Variants in NUP210L observed in about 807,000 individuals in gnomAD.
The protein encoded by NUP210L is nuclear pore membrane glycoprotein 210-like.
Under a neutral mutation model 208.5 loss-of-function variants are expected in NUP210L, and 74 were observed. The ratio of observed to expected loss-of-function variants is 0.35; its 90% confidence interval spans 0.29 to 0.43. NUP210L has a LOEUF of 0.43. Ranked by LOEUF, NUP210L falls within the 20% of genes least tolerant of loss-of-function variation. The pLI is 1.00. For missense variants in NUP210L, 1,843 were observed against 2,289.4 expected (o/e 0.81, Z 3.98); for synonymous variants, 780 against 816.9 (o/e 0.95, Z 0.77).
At chr1:154,055,012 G>A (rs542339968) in intron 23 of NUP210L, among the ~76,000 whole-genome samples, 180 bp from the exon 24 acceptor site, 3 of 151,732 alleles carry the variant, frequency 2.0e-5, no homozygotes, top group South Asian at 2.1e-4. Context: ...GCAATCCTCC[G>A]GCTTTGGCCT....
chr1:154,100,247 T>A, intron 13 of NUP210L, 104 bp from the exon 14 acceptor site: 2 of 994,002 alleles, frequency 2.0e-6, no homozygotes, highest in Non-Finnish European at 3.1e-6. Flanking sequence ...CTCCGAAGTT[T>A]AAGACCCGCC....
chr1:153,996,150 GGTGTGGTGGCATGCACCTGTA>G (rs1257005019), intron 37 of NUP210L, among the ~76,000 whole-genome samples: 1 of 151,976 alleles, frequency 6.6e-6, no homozygotes, highest in Non-Finnish European at 1.5e-5. Flanking sequence ...AAATTAGCTG[GGTGTGGTGGCATGCACCTGTA>G]GTCCCAGCTA....
chr1:154,034,840 TCTC>T (rs1487118432), intron 27 of NUP210L, among the ~76,000 whole-genome samples: 1 of 144,438 alleles, frequency 6.9e-6, no homozygotes, highest in Non-Finnish European at 1.5e-5. Flanking sequence ...TCTCTCTCTC[TCTC>T]TTTTTTTTTT....
At chr1:154,055,129 TTCTTTCTTTC>T (rs1362008012) in intron 23 of NUP210L, among the ~76,000 whole-genome samples, 15 of 56,936 alleles carry the variant, frequency 2.6e-4, no homozygotes, top group Admixed American at 2.4e-3. Flanking sequence ...TTTCTTTTCT[TTCTTTCTTTC>T]TTTCTTTCTT....
At chr1:154,082,598 T>A (rs941808170) in intron 16 of NUP210L, among the ~76,000 whole-genome samples, 20 of 152,188 alleles carry the variant, frequency 1.3e-4, no homozygotes, top group African/African-American at 4.6e-4. Flanking sequence ...CTTTACAATA[T>A]CCTTTATAAT....
At chr1:154,090,649 A>G (rs545569489) in intron 15 of NUP210L, among the ~76,000 whole-genome samples, 1 of 152,074 alleles carries the variant, frequency 6.6e-6, no homozygotes, top group African/African-American at 2.4e-5. Flanking sequence ...CGTCTCTACT[A>G]AAAACACAAA....
chr1:154,097,218 G>A (rs1656222250), intron 14 of NUP210L, among the ~76,000 whole-genome samples: 1 of 152,080 alleles, frequency 6.6e-6, no homozygotes, highest in African/African-American at 2.4e-5. Flanking sequence ...ACCGAATTGA[G>A]CTGATAATAT....
chr1:154,043,299 C>T (rs1349494402), intron 27 of NUP210L, among the ~76,000 whole-genome samples: 2 of 151,490 alleles, frequency 1.3e-5, no homozygotes, highest in African/African-American at 4.9e-5. Context: ...GGATTACAGG[C>T]GTGAGCCACT....
chr1:154,094,285 A>C (rs1216069253), intron 15 of NUP210L, among the ~76,000 whole-genome samples: 4 of 151,532 alleles, frequency 2.6e-5, no homozygotes, highest in African/African-American at 4.9e-5. Context: ...TCCATCTCAA[A>C]AACAACAACA....
chr1:154,141,012 A>AG (rs1658831818), intron 4 of NUP210L, among the ~76,000 whole-genome samples: 1 of 151,874 alleles, frequency 6.6e-6, no homozygotes, highest in Non-Finnish European at 1.5e-5. Context: ...AAAAAAAAAA[A>AG]AAAGAAAGGG....
At position 154,026,068 on chromosome 1, in the gene NUP210L, C is replaced by CA. The variant is rs879541188; in HGVS notation, c.3948-353dup. Reference sequence around the variant, plus strand: ...TGAAACCCCGTCTTTACTAAAAATACAAAAAAAAAAAAAATTTTTAGCTGG... The same window carrying CA: ...TGAAACCCCGTCTTTACTAAAAATACAAAAAAAAAAAAAAATTTTTAGCTGG... On this transcript the variant is annotated intron_variant, in intron 29 of 39. Coordinates refer to ENST00000368559, the Ensembl canonical transcript of NUP210L. Among the ~76,000 whole-genome samples the CA allele has an allele frequency of 9.6e-3, 1,302 of 135,526 alleles. 88 individuals are homozygous for CA. In the East Asian group the frequency reaches 0.17, roughly 18 times the overall value. 88.9% of individuals were successfully genotyped at this position (135,526 alleles called of 152,430 possible). A position where few individuals can be genotyped will look rare whatever the true frequency, so the allele number is the denominator to read the frequency against.
At chr1:154,031,482 C>G (rs1303544872) in intron 27 of NUP210L, among the ~76,000 whole-genome samples, 1 of 152,174 alleles carries the variant, frequency 6.6e-6, no homozygotes, top group East Asian at 1.9e-4. Context: ...ATCATTTAAT[C>G]TAACTATATT....
chr1:154,154,999 A>T (rs932071898), exon 1 of NUP210L: 2 of 1,613,712 alleles, frequency 1.2e-6, no homozygotes, highest in Middle Eastern at 1.6e-4. Context: ...AAGAAGAAAA[A>T]GAGCCCGAAG....
chr1:154,116,575 A>G (rs963996797), intron 12 of NUP210L, among the ~76,000 whole-genome samples: 5 of 152,078 alleles, frequency 3.3e-5, no homozygotes, highest in Non-Finnish European at 7.4e-5. Flanking sequence ...CAAAAATAAT[A>G]AATTAACTGT....
chr1:154,010,098 A>G, exon 35 of NUP210L: 1 of 1,613,968 alleles, frequency 6.2e-7, no homozygotes, highest in Non-Finnish European at 8.5e-7. Flanking sequence ...GTAATGGCCA[A>G]GGCCTGGTTT....
intron 23 of NUP210L, among the ~76,000 whole-genome samples, chr1:154,055,139 C>CT (rs1371852244): frequency 5.0e-4 from 46 of 91,100 alleles, no homozygotes; most frequent in African/African-American, 2.2e-3. Flanking sequence ...TTCTTTCTTT[C>CT]TTTCTTTCTT....
At position 154,079,330 on chromosome 1, in the gene NUP210L, C is replaced by T. The variant is rs184877252; in HGVS notation, c.2362-8865G>A. ...TTTTGAGAGGGGTCTTGCTATATTGCCCAGGCTAGGAGCAAACTCCTGGGC... is the reference window on the plus strand; with the variant it reads ...TTTTGAGAGGGGTCTTGCTATATTGTCCAGGCTAGGAGCAAACTCCTGGGC... On this transcript the variant is annotated intron_variant, in intron 16 of 39. Coordinates refer to ENST00000368559, the Ensembl canonical transcript of NUP210L. 3.3e-5 allele frequency: 5 copies of T among 151,716 alleles called. No homozygotes were observed. The East Asian group carries it at 9.7e-4, about 29-fold the overall frequency. The allele number at this position is 151,716 out of a possible 1,614,324, so 9.4% of individuals were successfully genotyped here.
chr1:154,057,801 C>T (rs1164438097), intron 22 of NUP210L, among the ~76,000 whole-genome samples: 1 of 151,232 alleles, frequency 6.6e-6, no homozygotes, highest in Non-Finnish European at 1.5e-5. Context: ...TTCACAGGCA[C>T]AATTATATTA....
intron 10 of NUP210L, among the ~76,000 whole-genome samples, chr1:154,121,289 T>G (rs1437770010): frequency 6.6e-6 from 1 of 152,180 alleles, no homozygotes; most frequent in Non-Finnish European, 1.5e-5. Flanking sequence ...TGCCATGGAA[T>G]AGCAGTGCTC....
Sources: allele counts gnomAD v4.1 joint callset (sites outside exome capture counted in the v4.1 genomes callset), GRCh38; gene constraint gnomAD v4.1.1; transcripts MANE v1.5; gene names NCBI Gene and HGNC (gene_info 2026-07-23, HGNC 2026-07-21).